DNAH11: variants seen among roughly 807,000 people sequenced by gnomAD.
DNAH11 encodes axonemal beta dynein heavy chain 11.
A neutral mutation model predicts 526.0 loss-of-function variants in DNAH11; 442 were observed. The ratio of observed to expected loss-of-function variants is 0.84; its 90% CI spans 0.78 to 0.91. The LOEUF is 0.91. Among genes scored for constraint, DNAH11 ranks in the 40% least tolerant of loss-of-function variants. The probability of loss-of-function intolerance (pLI) is 0.00; values close to 1 mark genes in which losing one functional copy is unlikely to be tolerated. For synonymous variants in DNAH11, 2,461 were observed against 1,935.9 expected, an observed-to-expected ratio of 1.27 and a Z score of -7.12; for missense variants, 6,989 against 5,448.7, an observed-to-expected ratio of 1.28 and a Z score of -8.90.
intron 52 of DNAH11, 68 bp from the exon 53 acceptor site, chr7:21,749,610 C>G: frequency 1.3e-6 from 2 of 1,591,954 alleles, no homozygotes. Context: ...CTCCCCAGCA[C>G]TCACACACAA....
At chr7:21,586,687 C>G (rs1045647100) in intron 9 of DNAH11, among the ~76,000 whole-genome samples, 1 of 152,210 alleles carries the variant, frequency 6.6e-6, no homozygotes, top group Admixed American at 6.5e-5. Flanking sequence ...AAAGCCCCCT[C>G]CTTTGCCATA....
chr7:21,623,646 T>G (rs930251074), intron 25 of DNAH11, among the ~76,000 whole-genome samples: 2 of 152,066 alleles, frequency 1.3e-5, no homozygotes, highest in Non-Finnish European at 2.9e-5. Flanking sequence ...TAAAAAATGA[T>G]GAGTTCATGT....
At chr7:21,621,773 C>A (rs1448208811) in intron 25 of DNAH11, among the ~76,000 whole-genome samples, 1 of 152,020 alleles carries the variant, frequency 6.6e-6, no homozygotes, top group Non-Finnish European at 1.5e-5. Context: ...AATTCAACAA[C>A]CTTCATGCTA....
intron 74 of DNAH11, among the ~76,000 whole-genome samples, chr7:21,877,955 G>C (rs568240829): frequency 1.3e-5 from 2 of 149,740 alleles, no homozygotes; most frequent in East Asian, 3.9e-4. Flanking sequence ...TTCACACCCA[G>C]ATAACTATAT....
chr7:21,720,164 T>C (rs983084602), intron 43 of DNAH11, among the ~76,000 whole-genome samples: 1 of 152,210 alleles, frequency 6.6e-6, no homozygotes, highest in African/African-American at 2.4e-5. Flanking sequence ...AAGCTGCCAG[T>C]CCAACATTCT....
At chr7:21,556,581 T>C (rs938196389) in intron 2 of DNAH11, among the ~76,000 whole-genome samples, 1 of 152,164 alleles carries the variant, frequency 6.6e-6, no homozygotes, top group Non-Finnish European at 1.5e-5. Flanking sequence ...CCTGGGTAAA[T>C]TGTGCATCAT....
At chr7:21,613,523 G>C in intron 20 of DNAH11, among the ~76,000 whole-genome samples, 1 of 105,944 alleles carries the variant, frequency 9.4e-6, no homozygotes, top group East Asian at 3.0e-4. Flanking sequence ...TTGTAAAAAT[G>C]AAAGCAGGAT....
intron 68 of DNAH11, among the ~76,000 whole-genome samples, chr7:21,856,727 A>G (rs1375407593): frequency 6.6e-6 from 1 of 152,220 alleles, no homozygotes; most frequent in East Asian, 1.9e-4. Context: ...AAAGAAAAAA[A>G]AGCTCATATG....
intron 68 of DNAH11, among the ~76,000 whole-genome samples, chr7:21,861,407 C>T (rs142552941): frequency 9.4e-4 from 143 of 152,300 alleles, no homozygotes; most frequent in African/African-American, 3.2e-3. Flanking sequence ...CTTGAATCTG[C>T]ATTAAACGGT....
At chr7:21,713,066 G>A (rs1024131132) in intron 42 of DNAH11, among the ~76,000 whole-genome samples, 1 of 152,152 alleles carries the variant, frequency 6.6e-6, no homozygotes, top group African/African-American at 2.4e-5. Context: ...TTGATTTAGA[G>A]CAACTTTATG....
chr7:21,838,236 C>T (rs181637834), intron 65 of DNAH11, among the ~76,000 whole-genome samples: 13 of 152,304 alleles, frequency 8.5e-5, no homozygotes, highest in African/African-American at 3.1e-4. Context: ...ACAAGATTAT[C>T]CTGTGATACA....
At chr7:21,687,342 C>A (rs745515822) in intron 33 of DNAH11, 40 bp from the exon 34 acceptor site, 1 of 1,581,782 alleles carries the variant, frequency 6.3e-7, no homozygotes, top group East Asian at 2.2e-5. Flanking sequence ...GCGTAAAAAC[C>A]CCTTCTGTTA....
At chr7:21,830,471 C>T (rs548654458) in intron 65 of DNAH11, among the ~76,000 whole-genome samples, 3 of 152,226 alleles carry the variant, frequency 2.0e-5, no homozygotes, top group South Asian at 4.2e-4. Flanking sequence ...GTTACTGAGT[C>T]GATCATATTC....
intron 54 of DNAH11, among the ~76,000 whole-genome samples, chr7:21,755,894 C>T (rs1465869444): frequency 6.6e-6 from 1 of 151,910 alleles, no homozygotes; most frequent in African/African-American, 2.4e-5. Context: ...TAGCTTTTTC[C>T]AAATTTCCTG....
intron 77 of DNAH11, among the ~76,000 whole-genome samples, chr7:21,894,231 G>C (rs1484609884): frequency 2.0e-5 from 3 of 152,206 alleles, no homozygotes; most frequent in Non-Finnish European, 2.9e-5. Context: ...TAATTTAGCA[G>C]ATTATAAAAT....
intron 65 of DNAH11, among the ~76,000 whole-genome samples, chr7:21,836,905 TGAAAAG>T (rs1471410360): frequency 2.0e-5 from 3 of 151,728 alleles, no homozygotes; most frequent in Non-Finnish European, 2.9e-5. Context: ...AGCAAAAAAA[TGAAAAG>T]GATGTGATTC....
At chr7:21,884,926 A>G (rs1428683089) in intron 76 of DNAH11, among the ~76,000 whole-genome samples, 1 of 152,090 alleles carries the variant, frequency 6.6e-6, no homozygotes, top group African/African-American at 2.4e-5. Context: ...CTCAATTATA[A>G]TATGTGCTCA....
intron 63 of DNAH11, among the ~76,000 whole-genome samples, chr7:21,810,747 T>C (rs1003542673): frequency 1.3e-5 from 2 of 152,066 alleles, no homozygotes; most frequent in African/African-American, 4.8e-5. Context: ...TATAGGCAGG[T>C]AAGCCAGAAA....
rs752203815 is a variant in DNAH11 at position 21,735,793 on chromosome 7, A to G, written c.7594A>G (p.Ile2532Val). 55 of 1,613,858 alleles carry G rather than the reference A, an allele frequency of 3.4e-5. No individual in the cohort carries two copies. Among genetic ancestry groups the G allele is most frequent in the Admixed American group, 8.3e-5 (5 of 60,000 alleles). Residue 2532 changes from isoleucine (I) to valine (V), a missense_variant, in exon 46 of 82, where the codon ATA (isoleucine) becomes GTA (valine). By Grantham distance (29) the Ile-to-Val change is conservative. Transcript: ENST00000409508. ...DTLASLSEDY[I>V]VSRVPFNYYT... ...ATTGGCAAGTCTCTCTGAGGATTAC[A>G]TAGTATCCCGTGTGCCTTTCAACTA...
Sources: gnomAD v4.1 joint callset for allele counts (sites outside exome capture counted in the v4.1 genomes callset) on GRCh38, gnomAD v4.1.1 for gene constraint, MANE v1.5 for transcripts, NCBI Gene and HGNC (gene_info 2026-07-23, HGNC 2026-07-21) for gene names.